Variants in PHF12 observed in about 807,000 individuals in gnomAD.
PHF12 encodes the protein PHD finger protein 12.
A neutral mutation model predicts 99.8 loss-of-function variants in PHF12; 6 were observed. The observed-to-expected ratio is 0.06, with a 90% CI of 0.03 to 0.12. PHF12 has a LOEUF of 0.12. Ranked by LOEUF, PHF12 falls within the 10% of genes least tolerant of loss-of-function variation. PHF12 has a pLI of 1.00. For synonymous variants in PHF12, 480 were observed against 514.9 expected, an observed-to-expected ratio of 0.93 and a Z score of 0.92; for missense variants, 954 against 1,300.1, an observed-to-expected ratio of 0.73 and a Z score of 4.09.
At position 28,951,197 on chromosome 17, in the gene PHF12, G is replaced by A; in HGVS notation, c.-237C>T. ...CTCAGTCCCGGCCCGGCTGCTGGCT[G>A]CACAGTGGGTCCCGGCTCCGGGGGT... On this transcript the variant is annotated 5_prime_UTR_variant, in exon 1 of 15. Coordinates refer to ENST00000332830, the MANE Select transcript of PHF12 (RefSeq NM_001033561.2). 5 of 1,386,498 alleles carry A rather than the reference G, an allele frequency of 3.6e-6. No homozygotes were observed. The South Asian group carries it at 8.0e-5, about 22-fold the overall frequency. 85.9% of individuals were successfully genotyped at this position (1,386,498 alleles called of 1,614,324 possible). A position where few individuals can be genotyped will look rare whatever the true frequency, so the allele number is the denominator to read the frequency against.
chr17:28,946,772 A>G (rs1488817860), intron 2 of PHF12, among the ~76,000 whole-genome samples: 3 of 152,160 alleles, frequency 2.0e-5, no homozygotes, highest in African/African-American at 7.2e-5. Context: ...TCCTGGCCTC[A>G]GGCGATCCTC....
intron 11 of PHF12, 137 bp from the exon 12 acceptor site, chr17:28,909,018 C>A (rs2039916342): frequency 2.6e-6 from 2 of 777,238 alleles, no homozygotes; most frequent in African/African-American, 1.7e-5. Flanking sequence ...AAACTCACAT[C>A]CAACACTGAG....
At position 28,909,984 on chromosome 17, in the gene PHF12, G is replaced by T; in HGVS notation, c.2359+242C>A. 6.0e-6 allele frequency: 4 copies of T among 665,820 alleles called. No homozygotes were observed. In the East Asian group the frequency reaches 1.1e-4, roughly 18 times the overall value. The allele number at this position is 665,820 out of a possible 1,614,324, so 41.2% of individuals were successfully genotyped here. On this transcript the variant is annotated intron_variant, in intron 11 of 14. Transcript: ENST00000332830. ...ACTGGTAGCTGCTTTGCTGTGTCTC[G>T]AAGTGGACTTATATATGAAAGAAAG...
intron 11 of PHF12, chr17:28,909,960 C>G (rs1215469465): frequency 3.1e-6 from 2 of 636,830 alleles, no homozygotes; most frequent in Non-Finnish European, 5.6e-6. Flanking sequence ...CCCAAAGGTA[C>G]TGGTAGCTGC....
Position 28,906,357 on chromosome 17 carries a change from C to T in PHF12, c.2841G>A (p.Leu947=). 6.2e-7 allele frequency: 1 copy of T among 1,614,204 alleles called. No individual in the cohort carries two copies. Among genetic ancestry groups the T allele is most frequent in the Non-Finnish European group, 8.5e-7 (1 of 1,180,036 alleles). Residue 947 remains leucine (L), a synonymous_variant, in exon 15 of 15, where the codon CTG becomes CTA. Coordinates refer to ENST00000332830, the MANE Select transcript of PHF12 (RefSeq NM_001033561.2). The surrounding 1 kb of genome is among the most constrained non-coding windows in gnomAD (Gnocchi z 4.2). ...CCAGCTTGATGTAGCTGCCATGGTG[C>T]AGTAAGGCTGTGCCCTCCCAGCCGG... ...SGAGWEGTAL[L]HHGSYIKLGC... is the part of the protein sequence containing the mutation.
intron 6 of PHF12, 111 bp from the exon 7 acceptor site, chr17:28,917,560 C>T: frequency 1.7e-6 from 2 of 1,199,428 alleles, no homozygotes; most frequent in South Asian, 3.1e-5. Context: ...ACATAGGTTC[C>T]CTCAATTAGG....
intron 8 of PHF12, 119 bp downstream of exon 8, chr17:28,913,760 G>A: frequency 7.3e-7 from 1 of 1,370,832 alleles, no homozygotes; most frequent in South Asian, 1.4e-5. Context: ...ACTCTTGAGG[G>A]GTTAGGATGA....
At position 28,927,078 on chromosome 17, in the gene PHF12, C is replaced by T; in HGVS notation, c.249-15G>A. The T allele has an allele frequency of 2.5e-6, 4 of 1,609,578 alleles. No individual in the cohort carries two copies. Among genetic ancestry groups the T allele is most frequent in the Non-Finnish European group, 3.4e-6 (4 of 1,176,128 alleles). ...GTGGAGGGTTACTGTGGGGAACAGA[C>T]AAGGGCAAGACTAAATAACTAGCCC... On this transcript the variant is annotated splice_polypyrimidine_tract_variant and intron_variant, in intron 2 of 14. Coordinates refer to ENST00000332830, the MANE Select transcript of PHF12 (RefSeq NM_001033561.2).
rs774709715 is a variant in PHF12, at chr17:28,913,224, A to G, written c.1347T>C (p.Ala449=). ...LQCSILKHLS[A]KQMPSHWDSE... ...AGTCCCAATGCGAAGGCATCTGCTT[A>G]GCAGATAAATGTTTCAATATGCTGC... Residue 449 remains alanine (A), a synonymous_variant, in exon 9 of 15, where the codon GCT becomes GCC. Coordinates refer to ENST00000332830, the MANE Select transcript of PHF12 (RefSeq NM_001033561.2). 3 of 1,614,008 alleles carry G rather than the reference A, an allele frequency of 1.9e-6. No homozygotes were observed. The Admixed American group carries it at 5.0e-5, about 27-fold the overall frequency.
intron 7 of PHF12, among the ~76,000 whole-genome samples, chr17:28,915,940 G>A (rs1326364674): frequency 2.0e-5 from 3 of 152,160 alleles, no homozygotes; most frequent in East Asian, 1.9e-4. Context: ...CTCCTGGCCC[G>A]TTCACTTCAG....
Position 28,950,031 on chromosome 17 carries a change from G to A in PHF12, c.248+34C>T. ...TGAAGGAATGCGCAGAGAAGGGTCC[G>A]CCAAGAAGCTCCAAAAGGGTCCCCA... is the stretch of plus-strand genomic sequence containing the variant. On this transcript the variant is annotated intron_variant, in intron 2 of 14. Coordinates refer to ENST00000332830, the MANE Select transcript of PHF12 (RefSeq NM_001033561.2). The surrounding 1 kb of genome is among the most constrained non-coding windows in gnomAD (Gnocchi z 5.7). The A allele has an allele frequency of 6.5e-7, 1 of 1,536,656 alleles. No individual in the cohort carries two copies. The highest frequency in any genetic ancestry group is 8.8e-7 in the Non-Finnish European group (1 of 1,135,552).
At chr17:28,925,357 T>C (rs866541187) in intron 3 of PHF12, 1 of 152,060 alleles carries the variant, frequency 6.6e-6, no homozygotes, top group Middle Eastern at 3.4e-3. Flanking sequence ...TAATTTGGAG[T>C]TGGAGTAGGA....
chr17:28,939,075 C>A (rs2040564793), intron 2 of PHF12, among the ~76,000 whole-genome samples: 1 of 152,222 alleles, frequency 6.6e-6, no homozygotes, highest in Non-Finnish European at 1.5e-5. Flanking sequence ...CTTTTCTTAA[C>A]ATACAGCTTA....
intron 5 of PHF12, 50 bp downstream of exon 5, chr17:28,921,638 T>C (rs1372730626): frequency 2.5e-6 from 4 of 1,594,908 alleles, no homozygotes; most frequent in Non-Finnish European, 3.4e-6. Flanking sequence ...AGAGAAAAAG[T>C]ATCATCTGCT....
At chr17:28,913,809 A>T in intron 8 of PHF12, 70 bp downstream of exon 8, 1 of 1,542,876 alleles carries the variant, frequency 6.5e-7, no homozygotes, top group East Asian at 2.3e-5. Context: ...CACTGAGGCT[A>T]CTTCTGATAA....
At chr17:28,932,940 C>CCAAAAA (rs1250342720) in intron 2 of PHF12, among the ~76,000 whole-genome samples, 8 of 152,046 alleles carry the variant, frequency 5.3e-5, no homozygotes, top group African/African-American at 1.4e-4. Flanking sequence ...GAGATTCTTC[C>CCAAAAA]CAAAAACAAA....
intron 7 of PHF12, 62 bp from the exon 8 acceptor site, chr17:28,914,099 C>T: frequency 2.6e-6 from 4 of 1,510,614 alleles, no homozygotes; most frequent in Non-Finnish European, 3.6e-6. Flanking sequence ...CTAGTTGATT[C>T]TGCCCTGGTA....
chr17:28,950,251 A>G lies in PHF12; in HGVS notation c.67-5T>C, dbSNP rs1381296015. ...AGCCAGCAGAGCTTGGATTTGCTGC[A>G]CACACATACAAACGGCGTGTGTGCA... is the stretch of plus-strand genomic sequence containing the variant. On this transcript the variant is annotated splice_polypyrimidine_tract_variant and splice_region_variant and intron_variant, in intron 1 of 14. Transcript: ENST00000332830. The surrounding 1 kb of genome is among the most constrained non-coding windows in gnomAD (Gnocchi z 5.7). 1 of 1,605,888 alleles carries G rather than the reference A, an allele frequency of 6.2e-7. No homozygotes were observed. The highest frequency in any genetic ancestry group is 2.2e-5 in the East Asian group (1 of 44,790).
In PHF12 at chr17:28,933,492, T is replaced by A. The variant is rs529397659; in HGVS notation, c.249-6429A>T. Among the ~76,000 whole-genome samples, 9 of 152,322 alleles carry A rather than the reference T, an allele frequency of 5.9e-5. No individual in the cohort carries two copies. The South Asian group carries it at 1.0e-3, about 18-fold the overall frequency. On this transcript the variant is annotated intron_variant, in intron 2 of 14. Coordinates refer to ENST00000332830, the MANE Select transcript of PHF12 (RefSeq NM_001033561.2). Reference sequence around the variant, plus strand: ...TCTTTGAAATCTTGAGCCTAAGCTATTTTTGTTGTTGTTGTTTTGTTTTTG... The same window carrying A: ...TCTTTGAAATCTTGAGCCTAAGCTAATTTTGTTGTTGTTGTTTTGTTTTTG...
Sources: allele counts gnomAD v4.1 joint callset (sites outside exome capture counted in the v4.1 genomes callset), GRCh38; gene constraint gnomAD v4.1.1; non-coding constraint Gnocchi (gnomAD v3.1); transcripts MANE v1.5; gene names NCBI Gene and HGNC (gene_info 2026-07-23, HGNC 2026-07-21).